CEP85L: variants seen among roughly 807,000 people sequenced by gnomAD.
CEP85L encodes the protein centrosomal protein of 85 kDa-like.
A neutral mutation model predicts 100.3 loss-of-function variants in CEP85L; 60 were observed. The ratio of observed to expected loss-of-function variants is 0.60; its 90% CI spans 0.49 to 0.74. CEP85L has a LOEUF of 0.74. Ranked by LOEUF, CEP85L falls within the 30% of genes least tolerant of loss-of-function variation. CEP85L has a pLI of 0.00. For missense variants in CEP85L, 973 were observed against 936.2 expected, an observed-to-expected ratio of 1.04 and a Z score of -0.51; for synonymous variants, 319 against 322.7, an observed-to-expected ratio of 0.99 and a Z score of 0.12.
chr6:118,478,013 A>G (rs1453363087), intron 10 of CEP85L, among the ~76,000 whole-genome samples: 1 of 152,102 alleles, frequency 6.6e-6, no homozygotes, highest in Non-Finnish European at 1.5e-5. Flanking sequence ...TTCTTTACGT[A>G]AGTTGATGAG....
intron 12 of CEP85L, among the ~76,000 whole-genome samples, chr6:118,468,606 A>T (rs1272604383): frequency 6.6e-6 from 1 of 152,226 alleles, no homozygotes; most frequent in Non-Finnish European, 1.5e-5. Flanking sequence ...ACAGATTTGT[A>T]GGCTGTGAAA....
chr6:118,600,298 G>GTGTGTGTGTGTGTGT lies in CEP85L; in HGVS notation c.232+32154_232+32155insACACACACACACACA, dbSNP rs1781672559. 2.7e-4 allele frequency among the ~76,000 whole-genome samples: 16 copies of GTGTGTGTGTGTGTGT among 59,198 alleles called. 2 individuals carry two copies. The highest frequency in any genetic ancestry group is 6.3e-4 in the African/African-American group (11 of 17,414). The allele number at this position is 59,198 out of a possible 152,430, so 38.8% of individuals were successfully genotyped here. A position where few individuals can be genotyped will look rare whatever the true frequency, so the allele number is the denominator to read the frequency against. On this transcript the variant is annotated intron_variant, in intron 2 of 12. Transcript: ENST00000368491. ...TACTGCCTGTCCCTGAGCCTTCCTGGGGGTGTGTGTGTGTGTGTGTGTGTG... is the reference window on the plus strand; with the variant it reads ...TACTGCCTGTCCCTGAGCCTTCCTGGTGTGTGTGTGTGTGTGGGTGTGTGTGTGTGTGTGTGTGTG...
intron 2 of CEP85L, among the ~76,000 whole-genome samples, chr6:118,581,307 C>A (rs1780564381): frequency 6.6e-6 from 1 of 152,082 alleles, no homozygotes; most frequent in Non-Finnish European, 1.5e-5. Flanking sequence ...TAACTGAAAC[C>A]ATTTTTCTAA....
At chr6:118,539,477 T>C (rs1383682051) in intron 3 of CEP85L, among the ~76,000 whole-genome samples, 2 of 152,238 alleles carry the variant, frequency 1.3e-5, no homozygotes, top group African/African-American at 4.8e-5. Flanking sequence ...TCTCAGAATG[T>C]ATTCCTGTCA....
At chr6:118,600,295 C>T (rs58307233) in intron 2 of CEP85L, among the ~76,000 whole-genome samples, 7,475 of 9,752 alleles carry the variant, frequency 0.77, 2,742 homozygotes, top group Non-Finnish European at 0.83. Flanking sequence ...CTGAGCCTTC[C>T]TGGGGGTGTG....
chr6:118,549,027 T>A (rs1778376278), intron 3 of CEP85L, among the ~76,000 whole-genome samples: 1 of 152,018 alleles, frequency 6.6e-6, no homozygotes, highest in African/African-American at 2.4e-5. Context: ...ATGCTATTAA[T>A]AAATTGAGTT....
chr6:118,465,168 T>C lies in CEP85L; in HGVS notation c.*237A>G, dbSNP rs372935259. Reference sequence around the variant, plus strand: ...AATCAGTAGTTTGAGAATATAGACATTTTTTTCCTTGTAGATTTTATCATA... The same window carrying C: ...AATCAGTAGTTTGAGAATATAGACACTTTTTTCCTTGTAGATTTTATCATA... On this transcript the variant is annotated 3_prime_UTR_variant, in exon 13 of 13. Coordinates refer to ENST00000368491, the MANE Select transcript of CEP85L (RefSeq NM_001042475.3). 24 of 439,802 alleles carry C rather than the reference T, an allele frequency of 5.5e-5. 1 individual carries two copies. In the East Asian group the frequency reaches 5.6e-4, roughly 10 times the overall value. 27.2% of individuals were successfully genotyped at this position (439,802 alleles called of 1,614,324 possible). A position where few individuals can be genotyped will look rare whatever the true frequency, so the allele number is the denominator to read the frequency against.
At chr6:118,509,689 A>C (rs1365101802) in intron 5 of CEP85L, among the ~76,000 whole-genome samples, 2 of 152,104 alleles carry the variant, frequency 1.3e-5, no homozygotes, top group Non-Finnish European at 2.9e-5. Context: ...GGCCGTAATG[A>C]AGAGAACAAC....
At chr6:118,694,661 A>G (rs1053621381) in intron 1 of CEP85L, among the ~76,000 whole-genome samples, 2 of 152,264 alleles carry the variant, frequency 1.3e-5, no homozygotes, top group Non-Finnish European at 2.9e-5. Flanking sequence ...GCAGCATCAC[A>G]TCATAGTTCA....
At chr6:118,473,601 C>T (rs1360338772) in intron 10 of CEP85L, among the ~76,000 whole-genome samples, 2 of 151,994 alleles carry the variant, frequency 1.3e-5, no homozygotes, top group Admixed American at 6.6e-5. Flanking sequence ...GAGTTCTGAG[C>T]AGAGACATGA....
At chr6:118,544,530 A>T (rs1306283897) in intron 3 of CEP85L, among the ~76,000 whole-genome samples, 1 of 152,184 alleles carries the variant, frequency 6.6e-6, no homozygotes, top group East Asian at 1.9e-4. Context: ...AGCATGCTAT[A>T]GCATTTCTAT....
chr6:118,707,978 G>GT (rs1186268939), intron 1 of CEP85L, among the ~76,000 whole-genome samples: 2 of 147,436 alleles, frequency 1.4e-5, no homozygotes, highest in African/African-American at 5.0e-5. Context: ...TTTGGGGGGG[G>GT]GACGGGGGGG....
intron 3 of CEP85L, among the ~76,000 whole-genome samples, chr6:118,546,230 T>C (rs1778193315): frequency 6.6e-6 from 1 of 152,150 alleles, no homozygotes; most frequent in Non-Finnish European, 1.5e-5. Flanking sequence ...CCCACTCTTG[T>C]ACCAATCTAA....
Position 118,632,593 on chromosome 6 carries a change from G to C in CEP85L, c.92C>G (p.Ala31Gly), listed in dbSNP as rs1190518417. 6.2e-7 allele frequency: 1 copy of C among 1,610,748 alleles called. No homozygotes were observed. The highest frequency in any genetic ancestry group is 8.5e-7 in the Non-Finnish European group (1 of 1,178,886). Residue 31 changes from alanine (A) to glycine (G), a missense_variant, in exon 2 of 13, where the codon GCA becomes GGA. Ala to Gly is a moderately conservative substitution (Grantham distance 60). Transcript: ENST00000368491. ...CAATGATTCATTAGCAGGTAGCCATGCTGATGAATAATCTGGGCCTAAAAA... is the reference window on the plus strand; with the variant it reads ...CAATGATTCATTAGCAGGTAGCCATCCTGATGAATAATCTGGGCCTAAAAA... ...SFPAGPDYSS[A>G]WLPANESLWQ... is the part of the protein sequence containing the mutation.
intron 3 of CEP85L, among the ~76,000 whole-genome samples, chr6:118,562,993 G>A (rs1779310516): frequency 6.6e-6 from 1 of 152,092 alleles, no homozygotes; most frequent in African/African-American, 2.4e-5. Flanking sequence ...GAAAGGGAAG[G>A]AGTCTTCCCA....
Position 118,464,291 on chromosome 6 carries a change from G to C in CEP85L, c.*1114C>G, listed in dbSNP as rs1462952571. On this transcript the variant is annotated 3_prime_UTR_variant, in exon 13 of 13. Transcript: ENST00000368491. The stretch of plus-strand genomic sequence containing the variant: ...TTTCATAGTAATACCCTGTAATTCA[G>C]ATTAAGAACTAATTTCGCCAAGTTC... The C allele has an allele frequency of 5.3e-5, 8 of 152,142 alleles. No individual in the cohort carries two copies. The East Asian group carries it at 1.3e-3, about 26-fold the overall frequency. The allele number at this position is 152,142 out of a possible 1,614,324, so 9.4% of individuals were successfully genotyped here. A position where few individuals can be genotyped will look rare whatever the true frequency, so the allele number is the denominator to read the frequency against.
chr6:118,684,717 TAAGAC>T (rs1373242042), intron 1 of CEP85L, among the ~76,000 whole-genome samples: 1 of 152,208 alleles, frequency 6.6e-6, no homozygotes, highest in African/African-American at 2.4e-5. Flanking sequence ...CCTTCTCTCT[TAAGAC>T]AAGATGTAAT....
At chr6:118,628,884 G>C (rs1407777901) in intron 2 of CEP85L, among the ~76,000 whole-genome samples, 1 of 152,102 alleles carries the variant, frequency 6.6e-6, no homozygotes, top group Admixed American at 6.5e-5. Context: ...CAACTGATAA[G>C]CTTAACTTCA....
intron 1 of CEP85L, among the ~76,000 whole-genome samples, chr6:118,635,131 G>A (rs1774414351): frequency 6.6e-6 from 1 of 152,134 alleles, no homozygotes; most frequent in Non-Finnish European, 1.5e-5. Flanking sequence ...CTTCTACTGA[G>A]AATTTATCCT....
Sources: allele counts gnomAD v4.1 joint callset (sites outside exome capture counted in the v4.1 genomes callset), GRCh38; gene constraint gnomAD v4.1.1; transcripts MANE v1.5; gene names NCBI Gene and HGNC (gene_info 2026-07-23, HGNC 2026-07-21).